The following AGMO variants were observed in gnomAD, a reference collection of about 807,000 sequenced individuals.
AGMO encodes the protein glyceryl-ether monooxygenase.
AGMO carries 75 observed loss-of-function variants against 60.2 expected under a neutral mutation model. The ratio of observed to expected loss-of-function variants is 1.25; its 90% CI spans 1.03 to 1.51. AGMO has a LOEUF of 1.51. Ranked by LOEUF, AGMO falls within the 40% of genes most tolerant of loss-of-function variation. The probability of loss-of-function intolerance (pLI) is 0.00; values close to 1 mark genes in which losing one functional copy is unlikely to be tolerated. For synonymous variants in AGMO, 261 were observed against 177.1 expected, an observed-to-expected ratio of 1.47 and a Z score of -3.76; for missense variants, 763 against 525.5, an observed-to-expected ratio of 1.45 and a Z score of -4.42.
intron 3 of AGMO, among the ~76,000 whole-genome samples, chr7:15,530,501 ACG>A (rs1183898034): frequency 1.3e-4 from 7 of 54,972 alleles, no homozygotes; most frequent in Admixed American, 2.8e-4. Flanking sequence ...TATTCTATAT[ACG>A]TATTTCTATA....
At chr7:15,344,257 A>T (rs1781956663) in intron 12 of AGMO, among the ~76,000 whole-genome samples, 1 of 152,210 alleles carries the variant, frequency 6.6e-6, no homozygotes, top group Admixed American at 6.5e-5. Flanking sequence ...TTTATGTACC[A>T]ATTTCTTTAA....
At chr7:15,381,732 T>C (rs1283149478) in intron 10 of AGMO, among the ~76,000 whole-genome samples, 1 of 152,182 alleles carries the variant, frequency 6.6e-6, no homozygotes, top group African/African-American at 2.4e-5. Flanking sequence ...ATATGTTCAC[T>C]GAAACACTAT....
At chr7:15,397,506 A>G (rs895086611) in intron 5 of AGMO, among the ~76,000 whole-genome samples, 1 of 152,152 alleles carries the variant, frequency 6.6e-6, no homozygotes, top group Non-Finnish European at 1.5e-5. Context: ...GCTGACGCCC[A>G]GGCCAAGAAG....
the AGMO span, among the ~76,000 whole-genome samples, chr7:15,162,192 T>C: frequency 1.3e-5 from 2 of 152,148 alleles, no homozygotes; most frequent in Non-Finnish European, 2.9e-5. Flanking sequence ...AGTTTCCTGA[T>C]GCCTCCCCAG....
intron 12 of AGMO, among the ~76,000 whole-genome samples, chr7:15,272,105 A>G (rs922484814): frequency 2.0e-5 from 3 of 151,758 alleles, no homozygotes; most frequent in Non-Finnish European, 4.4e-5. Flanking sequence ...ATTTTTGCAT[A>G]TATGTTTATC....
intron 5 of AGMO, among the ~76,000 whole-genome samples, chr7:15,397,066 C>T (rs1188094067): frequency 6.6e-6 from 1 of 152,098 alleles, no homozygotes; most frequent in Non-Finnish European, 1.5e-5. Context: ...TCCCAGAAGC[C>T]CAGTTGGCTT....
chr7:15,557,732 GA>G (rs1785184648), intron 2 of AGMO, among the ~76,000 whole-genome samples: 1 of 151,890 alleles, frequency 6.6e-6, no homozygotes, highest in African/African-American at 2.4e-5. Context: ...AAAATTCCTT[GA>G]AAAACTTTTT....
Position 15,422,277 on chromosome 7 carries a change from AT to A in AGMO, c.514-3625del, listed in dbSNP as rs140049520. ...ATGAGGGAGGAGATATTACCTGTTT[AT>A]TTTTTTTTAATGTGAGAGATCTTAC... On this transcript the variant is annotated intron_variant, in intron 4 of 12. Coordinates refer to ENST00000342526, the MANE Select transcript of AGMO (RefSeq NM_001004320.2). 2.3e-4 allele frequency among the ~76,000 whole-genome samples: 34 copies of A among 150,910 alleles called. 1 individual carries two copies. The highest frequency in any genetic ancestry group is 3.4e-3 in the Middle Eastern group (1 of 292).
At chr7:15,555,065 A>G (rs1328598832) in intron 2 of AGMO, among the ~76,000 whole-genome samples, 1 of 151,902 alleles carries the variant, frequency 6.6e-6, no homozygotes, top group Non-Finnish European at 1.5e-5. Context: ...CACTCATACA[A>G]ATCTGCCAAT....
intron 9 of AGMO, among the ~76,000 whole-genome samples, chr7:15,386,574 G>T (rs928086315): frequency 6.6e-6 from 1 of 152,142 alleles, no homozygotes; most frequent in Non-Finnish European, 1.5e-5. Flanking sequence ...TCCTAGCGGC[G>T]TTGGTAACTG....
intron 12 of AGMO, among the ~76,000 whole-genome samples, chr7:15,282,638 G>A (rs1482678153): frequency 6.6e-6 from 1 of 152,168 alleles, no homozygotes. Context: ...AGGGAGAAGA[G>A]AAAGCAAAAA....
At chr7:15,470,033 T>C (rs779285876) in intron 3 of AGMO, among the ~76,000 whole-genome samples, 1 of 152,028 alleles carries the variant, frequency 6.6e-6, no homozygotes, top group Non-Finnish European at 1.5e-5. Context: ...CTTTTTAAGA[T>C]TTTTCCACTC....
At chr7:15,261,976 G>A (rs927101563) in intron 12 of AGMO, among the ~76,000 whole-genome samples, 3 of 151,988 alleles carry the variant, frequency 2.0e-5, no homozygotes, top group Non-Finnish European at 4.4e-5. Context: ...AGAAAAACCA[G>A]CATAGAAGGG....
At chr7:15,153,695 T>C in the AGMO span, among the ~76,000 whole-genome samples, 1,217 of 152,292 alleles carry the variant, frequency 8.0e-3, 25 homozygotes, top group African/African-American at 0.028. Context: ...TATTGGCATA[T>C]GTGCCTATTT....
chr7:15,370,135 A>G (rs10255442), intron 10 of AGMO, among the ~76,000 whole-genome samples: 2,172 of 152,170 alleles, frequency 0.014, 29 homozygotes, highest in Non-Finnish European at 0.022. Flanking sequence ...GCTTCCATTT[A>G]TAAGTAAGAA....
intron 12 of AGMO, among the ~76,000 whole-genome samples, chr7:15,206,733 T>C (rs536403587): frequency 3.4e-4 from 52 of 152,288 alleles, no homozygotes; most frequent in African/African-American, 1.2e-3. Flanking sequence ...TCAATAAGTA[T>C]CTACTGATAC....
intron 12 of AGMO, among the ~76,000 whole-genome samples, chr7:15,244,092 G>A (rs557477523): frequency 1.3e-5 from 2 of 152,196 alleles, no homozygotes; most frequent in South Asian, 4.1e-4. Context: ...AACCCTGTCT[G>A]AGAGACAAAA....
At chr7:15,391,354 T>G (rs947553949) in intron 6 of AGMO, among the ~76,000 whole-genome samples, 3 of 152,040 alleles carry the variant, frequency 2.0e-5, no homozygotes, top group African/African-American at 7.2e-5. Flanking sequence ...TTTTCTAGAG[T>G]TAGACCTGAC....
chr7:15,430,021 T>C (rs1781181506), intron 4 of AGMO, among the ~76,000 whole-genome samples: 1 of 151,950 alleles, frequency 6.6e-6, no homozygotes, highest in Admixed American at 6.6e-5. Flanking sequence ...TTTTCCTTTA[T>C]TAGTGGTGTG....
Sources: gnomAD v4.1 joint callset for allele counts (sites outside exome capture counted in the v4.1 genomes callset) on GRCh38, gnomAD v4.1.1 for gene constraint, MANE v1.5 for transcripts, NCBI Gene and HGNC (gene_info 2026-07-23, HGNC 2026-07-21) for gene names.